The following GCA variants were observed in gnomAD, a reference collection of about 807,000 sequenced individuals.
The protein encoded by GCA is grancalcin, also known as grancalcin, EF-hand calcium-binding protein.
GCA carries 30 observed loss-of-function variants against 32.6 expected under a neutral mutation model. The observed-to-expected ratio is 0.92, with a 90% CI of 0.69 to 1.25. GCA has a LOEUF of 1.25. GCA is among the 50% of genes most tolerant of loss of function. GCA has a pLI of 0.00. For missense variants in GCA, 291 were observed against 266.8 expected (o/e 1.09, Z -0.63); for synonymous variants, 102 against 84.6 (o/e 1.21, Z -1.13).
At chr2:162,325,374 T>C (rs1683837848) in intron 1 of GCA, among the ~76,000 whole-genome samples, 1 of 152,176 alleles carries the variant, frequency 6.6e-6, no homozygotes, top group Non-Finnish European at 1.5e-5. Flanking sequence ...TCCTCTAACA[T>C]ACTGTCTGCT....
chr2:162,336,316 T>C (rs1247777657), intron 1 of GCA, among the ~76,000 whole-genome samples: 1 of 152,170 alleles, frequency 6.6e-6, no homozygotes, highest in African/African-American at 2.4e-5. Context: ...TTATTTAAAA[T>C]AATGTACAGA....
At position 162,344,157 on chromosome 2, in the gene GCA, G is replaced by GCTGCGCCTCCTTGCAC. The variant is rs1459084025; in HGVS notation, c.-83_-68dup. On this transcript the variant is annotated 5_prime_UTR_variant, in exon 1 of 8. Transcript: ENST00000437150. ...AGTGCGCCTTTCAGCCTCACCTGCA[G>GCTGCGCCTCCTTGCAC]CTGCGCCTCCTTGCACCTGCGCCTG... The GCTGCGCCTCCTTGCAC allele has an allele frequency of 6.7e-5, 93 of 1,396,982 alleles. No homozygotes were observed. The highest frequency in any genetic ancestry group is 3.4e-4 in the African/African-American group (24 of 70,714). 86.5% of individuals were successfully genotyped at this position (1,396,982 alleles called of 1,614,324 possible).
upstream of GCA, among the ~76,000 whole-genome samples, chr2:162,343,204 A>T (rs1230709432): frequency 6.6e-6 from 1 of 152,208 alleles, no homozygotes; most frequent in Non-Finnish European, 1.5e-5. Flanking sequence ...GATAACTCAA[A>T]ATAATATCAT....
At chr2:162,350,635 A>G (rs2105324414) in intron 2 of GCA, among the ~76,000 whole-genome samples, 1 of 152,300 alleles carries the variant, frequency 6.6e-6, no homozygotes, top group Non-Finnish European at 1.5e-5. Context: ...TATGAACTGG[A>G]CATATATTTG....
At chr2:162,347,174 C>A (rs940797008) in intron 1 of GCA, among the ~76,000 whole-genome samples, 19 of 152,096 alleles carry the variant, frequency 1.2e-4, no homozygotes, top group Non-Finnish European at 2.5e-4. Flanking sequence ...CTTAAAGTTT[C>A]ATTGTATTTA....
intron 5 of GCA, 86 bp downstream of exon 5, chr2:162,356,991 A>G (rs906096159): frequency 2.2e-6 from 2 of 922,168 alleles, no homozygotes; most frequent in Non-Finnish European, 3.2e-6. Flanking sequence ...TTTACTAACT[A>G]ATAAAGGGAT....
In GCA at chr2:162,346,170, TTTTG is replaced by T. The variant is rs374652390; in HGVS notation, c.28-1402_28-1399del. Among the ~76,000 whole-genome samples, 99 of 152,338 alleles carry T rather than the reference TTTTG, an allele frequency of 6.5e-4. 2 individuals carry two copies. The East Asian group carries it at 0.018, about 28-fold the overall frequency. ...AACAATCTAAAACTTCGTTACATGT[TTTTG>T]TTTGTACATGTTGTATTATACAAGC... is the stretch of plus-strand genomic sequence containing the variant. On this transcript the variant is annotated intron_variant, in intron 1 of 7. Transcript: ENST00000437150.
intron 2 of GCA, among the ~76,000 whole-genome samples, chr2:162,348,590 A>G (rs1684830051): frequency 6.6e-6 from 1 of 152,116 alleles, no homozygotes; most frequent in Admixed American, 6.5e-5. Context: ...AGTAAATTTG[A>G]GTGATTATTT....
chr2:162,344,214 C>T lies in GCA; in HGVS notation c.-35C>T, dbSNP rs965633677. 5 of 1,613,338 alleles carry T rather than the reference C, an allele frequency of 3.1e-6. No homozygotes were observed. Among genetic ancestry groups the T allele is most frequent in the Admixed American group, 3.3e-5 (2 of 59,978 alleles). On this transcript the variant is annotated 5_prime_UTR_variant, in exon 1 of 8. Transcript: ENST00000437150. ...TTCTCCCAGCACTGCGGACGCGACT[C>T]GAGGGTGACGCTCGCTCCGCTCGTC...
chr2:162,368,006 A>G (rs1381422691), downstream of GCA, among the ~76,000 whole-genome samples: 2 of 151,994 alleles, frequency 1.3e-5, no homozygotes, highest in Admixed American at 6.6e-5. Flanking sequence ...TTGCTCTTCT[A>G]CATTAGTAAT....
At chr2:162,373,917 A>C (rs1209117546), downstream of GCA, among the ~76,000 whole-genome samples, 1 of 152,210 alleles carries the variant, frequency 6.6e-6, no homozygotes, top group Non-Finnish European at 1.5e-5. Flanking sequence ...AATAGACTAC[A>C]TGTTTACTAA....
rs1685606197 is a variant in GCA at position 162,362,309 on chromosome 2, C to A, written c.*2066C>A. Reference sequence around the variant, plus strand: ...ATGCCGATCCAACTTAATTGCCAGGCAACTCTTCTGCACTTTACATTAAAC... The same window carrying A: ...ATGCCGATCCAACTTAATTGCCAGGAAACTCTTCTGCACTTTACATTAAAC... On this transcript the variant is annotated 3_prime_UTR_variant, in exon 8 of 8. Transcript: ENST00000437150. 8.1e-6 allele frequency: 8 copies of A among 984,138 alleles called. No homozygotes were observed. Among genetic ancestry groups the A allele is most frequent in the Non-Finnish European group, 8.4e-6 (7 of 829,052 alleles). 61.0% of individuals were successfully genotyped at this position (984,138 alleles called of 1,614,324 possible). A position where few individuals can be genotyped will look rare whatever the true frequency, so the allele number is the denominator to read the frequency against.
At chr2:162,337,896 G>A (rs1360321898) in intron 1 of GCA, among the ~76,000 whole-genome samples, 1 of 152,166 alleles carries the variant, frequency 6.6e-6, no homozygotes, top group Non-Finnish European at 1.5e-5. Context: ...AGTGAAAGGT[G>A]ACAGCACAAC....
At chr2:162,374,433 G>A (rs1686088055), downstream of GCA, among the ~76,000 whole-genome samples, 1 of 152,082 alleles carries the variant, frequency 6.6e-6, no homozygotes, top group Non-Finnish European at 1.5e-5. Flanking sequence ...CCCCTCCTTT[G>A]CATGTGTTAA....
Position 162,346,268 on chromosome 2 carries a change from A to G in GCA, c.28-1310A>G, listed in dbSNP as rs1483773686. Among the ~76,000 whole-genome samples the G allele has an allele frequency of 3.9e-5, 6 of 152,358 alleles. No individual in the cohort carries two copies. The East Asian group carries it at 1.2e-3, about 29-fold the overall frequency. Reference sequence around the variant, plus strand: ...CTTAAACAGATTAGATTTTCACACAAGAAATAGCATACAAAATCAATTCAA... The same window carrying G: ...CTTAAACAGATTAGATTTTCACACAGGAAATAGCATACAAAATCAATTCAA... On this transcript the variant is annotated intron_variant, in intron 1 of 7. Coordinates refer to ENST00000437150, the MANE Select transcript of GCA (RefSeq NM_012198.5).
chr2:162,344,546 C>G (rs1022491717), intron 1 of GCA: 1 of 504,892 alleles, frequency 2.0e-6, no homozygotes, highest in Non-Finnish European at 3.6e-6. Flanking sequence ...AAATTTATTT[C>G]CTGGAATGGA....
intron 1 of GCA, among the ~76,000 whole-genome samples, chr2:162,338,601 T>C (rs1324209577): frequency 2.0e-5 from 3 of 152,208 alleles, no homozygotes; most frequent in Admixed American, 1.3e-4. Context: ...TTAATTTATA[T>C]ATTTCTAGAA....
upstream of GCA, among the ~76,000 whole-genome samples, chr2:162,343,898 G>C (rs1030998194): frequency 1.3e-5 from 2 of 152,196 alleles, no homozygotes; most frequent in Non-Finnish European, 2.9e-5. Context: ...GCTTCTTCGG[G>C]ATTTAGAAGG....
downstream of GCA, among the ~76,000 whole-genome samples, chr2:162,367,786 A>G (rs576987253): frequency 6.6e-6 from 1 of 152,052 alleles, no homozygotes; most frequent in East Asian, 1.9e-4. Flanking sequence ...GAAACAAGGA[A>G]CTCAGCATTT....
Sources: gnomAD v4.1 joint callset for allele counts (sites outside exome capture counted in the v4.1 genomes callset) on GRCh38, gnomAD v4.1.1 for gene constraint, MANE v1.5 for transcripts, NCBI Gene and HGNC (gene_info 2026-07-23, HGNC 2026-07-21) for gene names.